DPYSL2: variants seen among roughly 807,000 people sequenced by gnomAD.
DPYSL2 encodes dihydropyrimidinase-related protein 2.
Under a neutral mutation model 69.9 loss-of-function variants are expected in DPYSL2, and 13 were observed. The observed-to-expected ratio is 0.19, with a 90% CI of 0.12 to 0.30. DPYSL2 has a LOEUF of 0.30. Among genes scored for constraint, DPYSL2 ranks in the 10% least tolerant of loss-of-function variants. The pLI is 1.00. For missense variants in DPYSL2, 587 were observed against 918.9 expected, an observed-to-expected ratio of 0.64 and a Z score of 4.67; for synonymous variants, 326 against 359.1, an observed-to-expected ratio of 0.91 and a Z score of 1.04.
intron 1 of DPYSL2, among the ~76,000 whole-genome samples, chr8:26,544,042 CA>C (rs1800725467): frequency 1.3e-5 from 1 of 79,384 alleles, no homozygotes; most frequent in African/African-American, 6.4e-5. Context: ...TAGTACTTAG[CA>C]GGGATTTTCA....
intron 1 of DPYSL2, among the ~76,000 whole-genome samples, chr8:26,567,084 ACATC>A (rs1395695731): frequency 2.0e-5 from 3 of 149,518 alleles, no homozygotes; most frequent in South Asian, 2.1e-4. Context: ...GTCCACCCAC[ACATC>A]CATCCATCCA....
chr8:26,554,244 T>C (rs1325848693), intron 1 of DPYSL2, among the ~76,000 whole-genome samples: 1 of 152,140 alleles, frequency 6.6e-6, no homozygotes, highest in Non-Finnish European at 1.5e-5. Context: ...TATCTCATTG[T>C]GGTTTTAATT....
chr8:26,558,850 G>A (rs1321349096), intron 1 of DPYSL2, among the ~76,000 whole-genome samples: 1 of 152,184 alleles, frequency 6.6e-6, no homozygotes, highest in Non-Finnish European at 1.5e-5. Flanking sequence ...TTAATACTAT[G>A]TTGCACACAT....
chr8:26,586,761 G>A lies in DPYSL2; in HGVS notation c.628+2778G>A, dbSNP rs140710838. ...AGATGGCCTTATGGGCAGGTGGTCC[G>A]GAAAGGGGAGTGAGGAGTCTGACCG... On this transcript the variant is annotated intron_variant, in intron 3 of 13. Coordinates refer to ENST00000521913, the MANE Select transcript of DPYSL2 (RefSeq NM_001197293.3). The surrounding 1 kb of genome is among the most constrained non-coding windows in gnomAD (Gnocchi z 4.7). 3.3e-5 allele frequency among the ~76,000 whole-genome samples: 5 copies of A among 152,322 alleles called. No individual in the cohort carries two copies. The highest frequency in any genetic ancestry group is 2.1e-4 in the South Asian group (1 of 4,824).
In DPYSL2 at chr8:26,643,561, A is replaced by G. The variant is rs1803099568; in HGVS notation, c.1249A>G (p.Thr417Ala). Residue 417 changes from threonine to alanine, a missense_variant, in exon 9 of 14, where the codon ACC becomes GCC. Around this residue, in one of 3 missense-constraint regions of DPYSL2, gnomAD observed 452 missense variants for 754.3 expected, o/e 0.60. Coordinates refer to ENST00000521913, the MANE Select transcript of DPYSL2 (RefSeq NM_001197293.3). This position sits in a 1 kb window ranked among gnomAD's most constrained non-coding sequence, Gnocchi z 6.5. ...VTSPPLSPDP[T>A]TPDFLNSLLS... is the part of the protein sequence containing the mutation. ...CTCCCCACCCTTGAGCCCTGATCCA[A>G]CCACTCCAGACTTTCTCAACTCCTT... 1.2e-6 allele frequency: 2 copies of G among 1,614,038 alleles called. No individual in the cohort carries two copies. The highest frequency in any genetic ancestry group is 8.5e-7 in the Non-Finnish European group (1 of 1,180,026).
In DPYSL2 at chr8:26,617,573, C is replaced by T. The variant is rs1218439955; in HGVS notation, c.629-6570C>T. The stretch of plus-strand genomic sequence containing the variant: ...ATGGCAAACTCCAAACGGGTCTTCT[C>T]TTTGAAGTTTTAGGGAGCAGCTTAT... On this transcript the variant is annotated intron_variant, in intron 3 of 13. Transcript: ENST00000521913. This position sits in a 1 kb window ranked among gnomAD's most constrained non-coding sequence, Gnocchi z 4.7. Among the ~76,000 whole-genome samples, 1 of 152,164 alleles carries T rather than the reference C, an allele frequency of 6.6e-6. No homozygotes were observed. Among genetic ancestry groups the T allele is most frequent in the Non-Finnish European group, 1.5e-5 (1 of 68,034 alleles).
chr8:26,578,325 G>A, intron 1 of DPYSL2: 1 of 1,613,888 alleles, frequency 6.2e-7, no homozygotes, highest in Non-Finnish European at 8.5e-7. Context: ...TCTGCGGTCG[G>A]CCAGCCACCT....
At chr8:26,556,439 A>T (rs1472719534) in intron 1 of DPYSL2, among the ~76,000 whole-genome samples, 1 of 129,020 alleles carries the variant, frequency 7.8e-6, no homozygotes, top group Admixed American at 1.0e-4. Context: ...ATAAATCCCG[A>T]AGAATCAACA....
At chr8:26,570,038 A>G (rs529179333) in intron 1 of DPYSL2, among the ~76,000 whole-genome samples, 3 of 152,262 alleles carry the variant, frequency 2.0e-5, no homozygotes, top group African/African-American at 7.2e-5. Context: ...ACTAAAAATA[A>G]AAGTAAAAAA....
intron 3 of DPYSL2, among the ~76,000 whole-genome samples, chr8:26,618,239 GCATTTTGC>G (rs974539199): frequency 6.6e-6 from 1 of 151,982 alleles, no homozygotes; most frequent in African/African-American, 2.4e-5. Context: ...TGTGTGCCAG[GCATTTTGC>G]CAGGTGCTTT....
At position 26,657,038 on chromosome 8, in the gene DPYSL2, G is replaced by A. The variant is rs1366926241; in HGVS notation, c.*1332G>A. The A allele has an allele frequency of 2.0e-5, 3 of 152,162 alleles. No individual in the cohort carries two copies. The highest frequency in any genetic ancestry group is 4.4e-5 in the Non-Finnish European group (3 of 68,034). 9.4% of individuals were successfully genotyped at this position (152,162 alleles called of 1,614,324 possible). A position where few individuals can be genotyped will look rare whatever the true frequency, so the allele number is the denominator to read the frequency against. ...TTTTGAGATTCTAGAACACATGGGA[G>A]CTTTTTATTTTCGGGGAAAAACCGT... On this transcript the variant is annotated 3_prime_UTR_variant, in exon 14 of 14. Transcript: ENST00000521913.
At chr8:26,581,765 T>A (rs529390005) in intron 1 of DPYSL2, among the ~76,000 whole-genome samples, 28 of 152,298 alleles carry the variant, frequency 1.8e-4, no homozygotes, top group African/African-American at 6.7e-4. Context: ...TTATCTAGGA[T>A]AAGCTGTCCC....
intron 1 of DPYSL2, among the ~76,000 whole-genome samples, chr8:26,543,899 C>A (rs1285114742): frequency 6.6e-6 from 1 of 152,200 alleles, no homozygotes; most frequent in South Asian, 2.1e-4. Flanking sequence ...CCTGCCTTGG[C>A]CTTCCAAAGT....
At chr8:26,608,427 C>A (rs1208612246) in intron 3 of DPYSL2, among the ~76,000 whole-genome samples, 7 of 152,076 alleles carry the variant, frequency 4.6e-5, no homozygotes, top group Admixed American at 4.6e-4. Context: ...TTATAAAAAA[C>A]AAAAGTTCCC....
intron 1 of DPYSL2, chr8:26,578,499 T>C: frequency 7.0e-7 from 1 of 1,434,174 alleles, no homozygotes; most frequent in Non-Finnish European, 9.1e-7. Context: ...TGCAAGGCAT[T>C]AAACAGGAGC....
Position 26,593,520 on chromosome 8 carries a change from T to C in DPYSL2, c.628+9537T>C, listed in dbSNP as rs535248266. Among the ~76,000 whole-genome samples the C allele has an allele frequency of 6.6e-6, 1 of 152,344 alleles. No homozygotes were observed. The highest frequency in any genetic ancestry group is 1.9e-4 in the East Asian group (1 of 5,188). On this transcript the variant is annotated intron_variant, in intron 3 of 13. Transcript: ENST00000521913. This position sits in a 1 kb window ranked among gnomAD's most constrained non-coding sequence, Gnocchi z 5.7. ...TCACGAAGGGAGTGGGATCACACTG[T>C]TGCTATCTGGCCAGGGTGGAGTCTA... is the stretch of plus-strand genomic sequence containing the variant.
At chr8:26,527,440 A>T (rs974752840) in intron 1 of DPYSL2, among the ~76,000 whole-genome samples, 1 of 152,088 alleles carries the variant, frequency 6.6e-6, no homozygotes. Flanking sequence ...TTTATCTTCA[A>T]TTCAGGTGAA....
chr8:26,645,353 A>C (rs1803138760), intron 10 of DPYSL2, among the ~76,000 whole-genome samples: 2 of 152,120 alleles, frequency 1.3e-5, no homozygotes. Flanking sequence ...GTGAGCCATG[A>C]CTGGGCCACT....
chr8:26,606,065 A>G (rs1197405912), intron 3 of DPYSL2, among the ~76,000 whole-genome samples: 4 of 152,188 alleles, frequency 2.6e-5, no homozygotes, highest in Admixed American at 2.6e-4. Flanking sequence ...CTGTAAAAAT[A>G]TAATAATTAA....
Sources: allele counts gnomAD v4.1 joint callset (sites outside exome capture counted in the v4.1 genomes callset), GRCh38; gene constraint gnomAD v4.1.1; regional missense constraint gnomAD v4.1.1; non-coding constraint Gnocchi (gnomAD v3.1); transcripts MANE v1.5; gene names NCBI Gene and HGNC (gene_info 2026-07-23, HGNC 2026-07-21).